The following BICC1 variants were observed in gnomAD, a reference collection of about 807,000 sequenced individuals.
BICC1 encodes the protein BicC family RNA binding protein 1.
In BICC1, 43 loss-of-function variants were observed where a neutral mutation model predicts 111.0. That is an observed-to-expected ratio of 0.39 (90% CI 0.30 to 0.50). BICC1 has a LOEUF of 0.50. Ranked by LOEUF, BICC1 falls within the 20% of genes least tolerant of loss-of-function variation. The pLI, the probability that BICC1 is intolerant of heterozygous loss-of-function variation, is 0.88. For synonymous variants in BICC1, 467 were observed against 434.4 expected (o/e 1.07, Z -0.93); for missense variants, 1,091 against 1,203.2 (o/e 0.91, Z 1.38).
chr10:58,564,680 A>G (rs982588622), intron 1 of BICC1, among the ~76,000 whole-genome samples: 1 of 152,168 alleles, frequency 6.6e-6, no homozygotes, highest in Non-Finnish European at 1.5e-5. Flanking sequence ...TACAGTCCCA[A>G]ACTAGTCTGT....
chr10:58,516,559 T>A (rs1842248072), intron 1 of BICC1, among the ~76,000 whole-genome samples: 1 of 152,162 alleles, frequency 6.6e-6, no homozygotes, highest in Admixed American at 6.5e-5. Context: ...TATCTGATGT[T>A]TTTGCTGTAA....
At chr10:58,827,279 C>A (rs780013919) in intron 20 of BICC1, among the ~76,000 whole-genome samples, 2 of 152,150 alleles carry the variant, frequency 1.3e-5, no homozygotes, top group African/African-American at 4.8e-5. Context: ...AAGGTTTACA[C>A]CATTGGAGAT....
intron 2 of BICC1, among the ~76,000 whole-genome samples, chr10:58,639,494 A>G (rs2132206614): frequency 6.7e-6 from 1 of 148,864 alleles, no homozygotes; most frequent in East Asian, 2.0e-4. Context: ...TCCTGGGTTC[A>G]AGCAATTCTC....
intron 3 of BICC1, among the ~76,000 whole-genome samples, chr10:58,713,738 C>A (rs2132494001): frequency 6.6e-6 from 1 of 152,308 alleles, no homozygotes; most frequent in East Asian, 1.9e-4. Context: ...GTGTCTTCTT[C>A]AAAAAGAAAG....
chr10:58,706,321 A>T (rs1840385641), intron 3 of BICC1, among the ~76,000 whole-genome samples: 1 of 152,256 alleles, frequency 6.6e-6, no homozygotes, highest in Non-Finnish European at 1.5e-5. Context: ...GCCAAATAGA[A>T]GTCCTGCCAG....
intron 2 of BICC1, among the ~76,000 whole-genome samples, chr10:58,635,242 A>G (rs933101358): frequency 1.3e-5 from 2 of 152,258 alleles, no homozygotes; most frequent in African/African-American, 4.8e-5. Context: ...AGGCATTTAC[A>G]GTTAAAAAAT....
chr10:58,717,876 G>C (rs1457425174), intron 3 of BICC1, among the ~76,000 whole-genome samples: 3 of 152,058 alleles, frequency 2.0e-5, no homozygotes, highest in African/African-American at 4.8e-5. Context: ...AGAAACAATT[G>C]TTCTTGCTCC....
chr10:58,683,222 G>T (rs1338333618), intron 2 of BICC1, among the ~76,000 whole-genome samples: 1 of 152,120 alleles, frequency 6.6e-6, no homozygotes, highest in Admixed American at 6.5e-5. Flanking sequence ...TGAGGGTTCT[G>T]TTCTGTTCCA....
At chr10:58,531,687 T>C (rs1482673525) in intron 1 of BICC1, among the ~76,000 whole-genome samples, 3 of 151,656 alleles carry the variant, frequency 2.0e-5, no homozygotes, top group East Asian at 3.9e-4. Flanking sequence ...GTGAATAAAA[T>C]GAGAATATCA....
intron 2 of BICC1, among the ~76,000 whole-genome samples, chr10:58,635,407 ACAAT>A (rs547308192): frequency 6.2e-4 from 95 of 152,326 alleles, no homozygotes; most frequent in Non-Finnish European, 8.5e-4. Context: ...ACAAAATTAA[ACAAT>A]CAGTGAATCA....
chr10:58,745,632 C>G (rs1279459946), intron 3 of BICC1, among the ~76,000 whole-genome samples: 1 of 119,500 alleles, frequency 8.4e-6, no homozygotes, highest in Non-Finnish European at 1.6e-5. Context: ...TCTGATGGCT[C>G]CATTCCTCTG....
rs541071222 is a variant in BICC1, at chr10:58,737,178, A to G, written c.307+35035A>G. Among the ~76,000 whole-genome samples, 6 of 152,194 alleles carry G rather than the reference A, an allele frequency of 3.9e-5. No individual in the cohort carries two copies. In the South Asian group the frequency reaches 1.2e-3, roughly 32 times the overall value. On this transcript the variant is annotated intron_variant, in intron 3 of 20. Transcript: ENST00000373886. ...TGTTACATATATATACACATGTGCC[A>G]TGTTGGTGTGCTGCACCCATTAACT...
intron 1 of BICC1, among the ~76,000 whole-genome samples, chr10:58,566,806 T>G (rs1252098261): frequency 6.6e-6 from 1 of 152,138 alleles, no homozygotes; most frequent in Non-Finnish European, 1.5e-5. Context: ...CTGATGTGTT[T>G]GTGAGAAAGG....
At chr10:58,593,628 C>A (rs1300699005) in intron 1 of BICC1, among the ~76,000 whole-genome samples, 1 of 152,132 alleles carries the variant, frequency 6.6e-6, no homozygotes, top group Non-Finnish European at 1.5e-5. Context: ...CAGAAAACTC[C>A]AGCAGACTGG....
chr10:58,775,413 A>G (rs1383936274), intron 3 of BICC1, among the ~76,000 whole-genome samples: 1 of 151,620 alleles, frequency 6.6e-6, no homozygotes, highest in Non-Finnish European at 1.5e-5. Context: ...AAAACAAACA[A>G]AAAAAAACAT....
At chr10:58,775,701 G>T (rs1842732615) in intron 3 of BICC1, among the ~76,000 whole-genome samples, 1 of 152,184 alleles carries the variant, frequency 6.6e-6, no homozygotes, top group South Asian at 2.1e-4. Context: ...TAGGCATATT[G>T]TGCCAGTATA....
intron 1 of BICC1, among the ~76,000 whole-genome samples, chr10:58,564,740 T>G (rs979245870): frequency 3.9e-5 from 6 of 152,210 alleles, no homozygotes; most frequent in Admixed American, 1.3e-4. Flanking sequence ...CCATTTGATA[T>G]GAATTTGGTA....
intron 2 of BICC1, among the ~76,000 whole-genome samples, chr10:58,642,050 A>G (rs1474205138): frequency 6.6e-6 from 1 of 152,254 alleles, no homozygotes; most frequent in Non-Finnish European, 1.5e-5. Context: ...CTGCAAGTTT[A>G]TAGTAAAACT....
chr10:58,667,071 G>A (rs1839036635), intron 2 of BICC1, among the ~76,000 whole-genome samples: 1 of 152,030 alleles, frequency 6.6e-6, no homozygotes, highest in South Asian at 2.1e-4. Context: ...TTTCAATTTA[G>A]TGCCACTGAC....
Sources: allele counts gnomAD v4.1 joint callset (sites outside exome capture counted in the v4.1 genomes callset), GRCh38; gene constraint gnomAD v4.1.1; transcripts MANE v1.5; gene names NCBI Gene and HGNC (gene_info 2026-07-23, HGNC 2026-07-21).